MYO1D: variants seen among roughly 807,000 people sequenced by gnomAD.
MYO1D encodes unconventional myosin-Id.
Under a neutral mutation model 122.0 loss-of-function variants are expected in MYO1D, and 83 were observed. That is an observed-to-expected ratio of 0.68 (90% CI 0.57 to 0.82). The LOEUF (loss-of-function observed/expected upper bound fraction) is 0.82, where lower values mean the gene tolerates loss of function less well. Among genes scored for constraint, MYO1D ranks in the 40% least tolerant of loss-of-function variants. The pLI, the probability that MYO1D is intolerant of heterozygous loss-of-function variation, is 0.00. For synonymous variants in MYO1D, 464 were observed against 446.9 expected, an observed-to-expected ratio of 1.04 and a Z score of -0.48; for missense variants, 1,157 against 1,269.5, an observed-to-expected ratio of 0.91 and a Z score of 1.35.
At chr17:32,780,302 T>C (rs1422735034) in intron 2 of MYO1D, among the ~76,000 whole-genome samples, 6 of 152,194 alleles carry the variant, frequency 3.9e-5, no homozygotes, top group Non-Finnish European at 2.9e-5. Context: ...TTTTATGTGT[T>C]TGAGATGGAA....
At chr17:32,730,080 T>A (rs1375196211) in intron 14 of MYO1D, among the ~76,000 whole-genome samples, 2 of 151,778 alleles carry the variant, frequency 1.3e-5, no homozygotes, top group African/African-American at 4.8e-5. Flanking sequence ...TTCTTTTTTA[T>A]GTTTTTGTTT....
chr17:32,874,304 C>CTCTCTCTCTCTCTTTGTCTCTG (rs6146033), intron 1 of MYO1D, among the ~76,000 whole-genome samples: 1 of 149,166 alleles, frequency 6.7e-6, no homozygotes, highest in African/African-American at 2.5e-5. Context: ...GTCTCTGTCT[C>CTCTCTCTCTCTCTTTGTCTCTG]TCTCTCTCTC....
chr17:32,729,469 C>T (rs1017397784), intron 14 of MYO1D, among the ~76,000 whole-genome samples: 3 of 152,122 alleles, frequency 2.0e-5, no homozygotes, highest in South Asian at 2.1e-4. Context: ...GGGACGTCTA[C>T]TTCTGGTAAT....
chr17:32,589,306 C>T (rs2087418071), intron 21 of MYO1D, among the ~76,000 whole-genome samples: 1 of 152,210 alleles, frequency 6.6e-6, no homozygotes, highest in East Asian at 1.9e-4. Flanking sequence ...AACCCAACTT[C>T]TCACCTTTGG....
intron 2 of MYO1D, among the ~76,000 whole-genome samples, chr17:32,779,235 C>G (rs2090211313): frequency 6.6e-6 from 1 of 151,956 alleles, no homozygotes; most frequent in African/African-American, 2.4e-5. Flanking sequence ...CTAACATAAC[C>G]AAATAATAAT....
chr17:32,863,321 A>C (rs972071076), intron 1 of MYO1D, among the ~76,000 whole-genome samples: 10 of 152,248 alleles, frequency 6.6e-5, no homozygotes, highest in Non-Finnish European at 1.5e-4. Flanking sequence ...CAAAGCAATA[A>C]AAAATACCTC....
intron 21 of MYO1D, among the ~76,000 whole-genome samples, chr17:32,588,306 T>C (rs2087409053): frequency 1.3e-5 from 2 of 152,192 alleles, no homozygotes; most frequent in African/African-American, 4.8e-5. Context: ...CTGGGAGGAA[T>C]CCCTTTAAGG....
intron 21 of MYO1D, among the ~76,000 whole-genome samples, chr17:32,598,725 ATT>A (rs1200521209): frequency 6.6e-6 from 1 of 152,236 alleles, no homozygotes; most frequent in African/African-American, 2.4e-5. Context: ...ACTGTAGTCT[ATT>A]AAGTTTACAA....
chr17:32,717,792 T>C (rs1306082796), intron 15 of MYO1D, among the ~76,000 whole-genome samples: 1 of 152,242 alleles, frequency 6.6e-6, no homozygotes, highest in African/African-American at 2.4e-5. Flanking sequence ...TATTTTTCTT[T>C]AACATTCTAA....
chr17:32,817,351 C>A (rs1050160503), intron 1 of MYO1D, among the ~76,000 whole-genome samples: 2 of 152,080 alleles, frequency 1.3e-5, no homozygotes, highest in Non-Finnish European at 2.9e-5. Flanking sequence ...AAAACAACCA[C>A]CAGATTATTT....
intron 1 of MYO1D, among the ~76,000 whole-genome samples, chr17:32,809,989 A>T (rs760738571): frequency 6.6e-6 from 1 of 152,164 alleles, no homozygotes; most frequent in Non-Finnish European, 1.5e-5. Flanking sequence ...GGAAAGGGCT[A>T]AGTAAAGGGT....
At chr17:32,869,806 G>A (rs559838760) in intron 1 of MYO1D, among the ~76,000 whole-genome samples, 55 of 152,170 alleles carry the variant, frequency 3.6e-4, no homozygotes, top group African/African-American at 9.6e-5. Flanking sequence ...GGTGGTGTGC[G>A]CCTGTAGTCC....
At chr17:32,682,344 T>C (rs1383839493) in intron 16 of MYO1D, among the ~76,000 whole-genome samples, 1 of 150,468 alleles carries the variant, frequency 6.6e-6, no homozygotes, top group Non-Finnish European at 1.5e-5. Context: ...TTCTTCCTAG[T>C]CTCGATGGTC....
At chr17:32,819,041 A>T (rs78696661) in intron 1 of MYO1D, among the ~76,000 whole-genome samples, 1 of 152,234 alleles carries the variant, frequency 6.6e-6, no homozygotes, top group Non-Finnish European at 1.5e-5. Context: ...TCTACAAAAA[A>T]GGAAGTTAGC....
intron 14 of MYO1D, among the ~76,000 whole-genome samples, chr17:32,734,029 T>C (rs958482461): frequency 1.3e-5 from 2 of 152,182 alleles, no homozygotes; most frequent in African/African-American, 4.8e-5. Context: ...ATGAGTTGAG[T>C]AGTTGCCTCT....
chr17:32,524,059 T>TAGCA (rs1385827294), intron 21 of MYO1D, among the ~76,000 whole-genome samples: 1 of 152,234 alleles, frequency 6.6e-6, no homozygotes, highest in African/African-American at 2.4e-5. Context: ...GCTGCTGCTA[T>TAGCA]TATGATTGCC....
Position 32,721,095 on chromosome 17 carries a change from C to T in MYO1D, c.1841G>A (p.Gly614Glu), listed in dbSNP as rs937305043. Residue 614 changes from glycine (G) to glutamate (E), a missense_variant, in exon 15 of 22, where the codon GGA becomes GAA. Gly to Glu is a moderately conservative substitution (Grantham distance 98, BLOSUM62 -2). Coordinates refer to ENST00000318217, the MANE Select transcript of MYO1D (RefSeq NM_015194.3). Reference protein sequence around the residue: ...ERCRHQVEYLGLLENVRVRRA... With the variant: ...ERCRHQVEYLELLENVRVRRA... ...ACGCACTCTCACATTTTCCAGTAGT[C>T]CAAGATATTCTACTTGGTGCCGGCA... The T allele has an allele frequency of 1.2e-6, 2 of 1,613,972 alleles. No individual in the cohort carries two copies. Among genetic ancestry groups the T allele is most frequent in the Non-Finnish European group, 1.7e-6 (2 of 1,180,006 alleles).
At chr17:32,867,131 G>T (rs1489681034) in intron 1 of MYO1D, among the ~76,000 whole-genome samples, 1 of 152,086 alleles carries the variant, frequency 6.6e-6, no homozygotes. Context: ...TTTGAGACCA[G>T]CCTGGCCAAC....
At chr17:32,660,924 A>AT (rs1404550939) in intron 16 of MYO1D, among the ~76,000 whole-genome samples, 1 of 152,180 alleles carries the variant, frequency 6.6e-6, no homozygotes, top group African/African-American at 2.4e-5. Flanking sequence ...GACAAAACAC[A>AT]TTTTTAAGTT....
Sources: gnomAD v4.1 joint callset for allele counts (sites outside exome capture counted in the v4.1 genomes callset) on GRCh38, gnomAD v4.1.1 for gene constraint, MANE v1.5 for transcripts, NCBI Gene and HGNC (gene_info 2026-07-23, HGNC 2026-07-21) for gene names.